IGSF11: variants seen among roughly 807,000 people sequenced by gnomAD.
IGSF11 encodes CXADR like 1.
In IGSF11, 22 loss-of-function variants were observed where a neutral mutation model predicts 41.0. The observed-to-expected ratio is 0.54, with a 90% confidence interval of 0.38 to 0.77. The LOEUF (loss-of-function observed/expected upper bound fraction) is 0.77, where lower values mean the gene tolerates loss of function less well. IGSF11 is among the 30% of genes least tolerant of loss of function. The pLI, the probability that IGSF11 is intolerant of heterozygous loss-of-function variation, is 0.00. For missense variants in IGSF11, 444 were observed against 530.8 expected, an observed-to-expected ratio of 0.84 and a Z score of 1.61; for synonymous variants, 219 against 201.3, an observed-to-expected ratio of 1.09 and a Z score of -0.74.
chr3:118,950,450 T>TA (rs1391305788), intron 1 of IGSF11, among the ~76,000 whole-genome samples: 5 of 152,104 alleles, frequency 3.3e-5, no homozygotes, highest in Non-Finnish European at 7.4e-5. Flanking sequence ...TATGACACAG[T>TA]AAAAAATTCC....
At chr3:118,931,479 C>T (rs1942844260) in intron 1 of IGSF11, among the ~76,000 whole-genome samples, 1 of 152,164 alleles carries the variant, frequency 6.6e-6, no homozygotes, top group Admixed American at 6.5e-5. Context: ...GAAACAAAAA[C>T]CATCAAAGTA....
At chr3:119,128,388 A>AAG (rs1472119292) in intron 1 of IGSF11, among the ~76,000 whole-genome samples, 3 of 151,660 alleles carry the variant, frequency 2.0e-5, no homozygotes, top group African/African-American at 7.3e-5. Context: ...GAAACAGAGA[A>AAG]AGAGAGAGAG....
intron 4 of IGSF11, among the ~76,000 whole-genome samples, chr3:118,923,202 T>C (rs1227327870): frequency 1.3e-5 from 2 of 152,160 alleles, no homozygotes. Flanking sequence ...TATTAAATAA[T>C]AAATCCACTT....
At chr3:119,068,272 A>G (rs1047590018) in intron 1 of IGSF11, among the ~76,000 whole-genome samples, 2 of 152,214 alleles carry the variant, frequency 1.3e-5, no homozygotes, top group African/African-American at 4.8e-5. Flanking sequence ...CATTGACCCA[A>G]ACCATATTAT....
chr3:118,935,442 G>C (rs901312521), intron 1 of IGSF11, among the ~76,000 whole-genome samples: 1 of 146,912 alleles, frequency 6.8e-6, no homozygotes, highest in African/African-American at 2.5e-5. Flanking sequence ...GTATGTATAT[G>C]TGTGTGTGTA....
At chr3:119,043,564 C>T (rs1941203333) in intron 1 of IGSF11, among the ~76,000 whole-genome samples, 2 of 152,200 alleles carry the variant, frequency 1.3e-5, no homozygotes, top group South Asian at 4.1e-4. Context: ...AGTCCATCCA[C>T]ATGACAATTT....
chr3:119,036,707 A>C (rs1211460340), upstream of IGSF11, among the ~76,000 whole-genome samples: 1 of 152,196 alleles, frequency 6.6e-6, no homozygotes, highest in Non-Finnish European at 1.5e-5. Flanking sequence ...CAAAAAAAAA[A>C]AAATGACCCC....
intron 1 of IGSF11, among the ~76,000 whole-genome samples, chr3:119,044,076 A>G (rs767785744): frequency 1.2e-4 from 18 of 152,244 alleles, no homozygotes; most frequent in Non-Finnish European, 2.4e-4. Flanking sequence ...GAATTGCCAA[A>G]TAAAGAATTC....
chr3:118,907,892 C>T (rs1007313306), intron 4 of IGSF11, among the ~76,000 whole-genome samples: 10 of 152,288 alleles, frequency 6.6e-5, no homozygotes, highest in Admixed American at 3.3e-4. Context: ...TATTTCCTGA[C>T]CAATAAATGT....
intron 1 of IGSF11, among the ~76,000 whole-genome samples, chr3:119,045,385 A>G (rs1197303551): frequency 1.3e-5 from 2 of 152,222 alleles, no homozygotes; most frequent in African/African-American, 4.8e-5. Context: ...GGGGTGACGA[A>G]CGGCACCTGG....
chr3:119,114,169 T>C (rs867277526), intron 1 of IGSF11, among the ~76,000 whole-genome samples: 24 of 152,348 alleles, frequency 1.6e-4, no homozygotes, highest in Middle Eastern at 3.4e-3. Context: ...TCAAGGCATT[T>C]TCCCCATTGT....
rs74997453 is a variant in IGSF11, at chr3:118,926,266, G to C, written c.425-10C>G. ...GGGGCAGAAGGGGGAACTATAACAGGAAGAATAAGCAATAAAGTACACATT... is the reference window on the plus strand; with the variant it reads ...GGGGCAGAAGGGGGAACTATAACAGCAAGAATAAGCAATAAAGTACACATT... On this transcript the variant is annotated splice_polypyrimidine_tract_variant and intron_variant, in intron 3 of 6. Coordinates refer to ENST00000393775, the MANE Select transcript of IGSF11 (RefSeq NM_001015887.3). 80,899 of 1,569,236 alleles carry C rather than the reference G, an allele frequency of 0.052. 3,194 individuals carry two copies. The highest frequency in any genetic ancestry group is 0.2 in the Admixed American group (11,430 of 56,640).
chr3:119,033,180 T>C (rs1940581848), intron 1 of IGSF11, among the ~76,000 whole-genome samples: 2 of 152,228 alleles, frequency 1.3e-5, no homozygotes, highest in African/African-American at 4.8e-5. Context: ...GAGCATTTAT[T>C]ATAATATACA....
chr3:119,099,918 T>C (rs961246683), intron 1 of IGSF11, among the ~76,000 whole-genome samples: 42 of 152,176 alleles, frequency 2.8e-4, no homozygotes, highest in African/African-American at 9.9e-4. Context: ...CTGTACTTTC[T>C]CAATCTGATA....
chr3:119,132,168 A>G (rs2077491328), intron 1 of IGSF11, among the ~76,000 whole-genome samples: 2 of 152,112 alleles, frequency 1.3e-5, no homozygotes, highest in South Asian at 2.1e-4. Flanking sequence ...ACCAGCTGAC[A>G]TCATAATGAC....
At chr3:119,127,159 G>C (rs1248143664) in intron 1 of IGSF11, among the ~76,000 whole-genome samples, 1 of 152,088 alleles carries the variant, frequency 6.6e-6, no homozygotes, top group African/African-American at 2.4e-5. Context: ...TTGCTAACTA[G>C]AATAGCCAGT....
At chr3:118,942,567 T>G (rs928294328) in intron 1 of IGSF11, among the ~76,000 whole-genome samples, 1 of 152,208 alleles carries the variant, frequency 6.6e-6, no homozygotes, top group Non-Finnish European at 1.5e-5. Context: ...AGTTCTCATT[T>G]CTAACACTGG....
At chr3:118,904,430 A>G (rs1230711346) in intron 6 of IGSF11, among the ~76,000 whole-genome samples, 3 of 152,184 alleles carry the variant, frequency 2.0e-5, no homozygotes, top group African/African-American at 7.2e-5. Flanking sequence ...GTATCCTCCT[A>G]GTTGGGCACA....
intron 1 of IGSF11, among the ~76,000 whole-genome samples, chr3:119,008,467 C>A (rs983968237): frequency 5.3e-5 from 8 of 152,164 alleles, no homozygotes; most frequent in African/African-American, 1.9e-4. Flanking sequence ...AGATCCTGTA[C>A]AGAAACCTAG....
Sources: gnomAD v4.1 joint callset for allele counts (sites outside exome capture counted in the v4.1 genomes callset) on GRCh38, gnomAD v4.1.1 for gene constraint, MANE v1.5 for transcripts, NCBI Gene and HGNC (gene_info 2026-07-23, HGNC 2026-07-21) for gene names.